VPS54: variants seen among roughly 807,000 people sequenced by gnomAD.
VPS54 encodes the protein VPS54 subunit of GARP complex, also known as vacuolar protein sorting-associated protein 54.
A neutral mutation model predicts 121.5 loss-of-function variants in VPS54; 45 were observed. That is an observed-to-expected ratio of 0.37 (90% CI 0.29 to 0.47). VPS54 has a LOEUF of 0.47. Ranked by LOEUF, VPS54 falls within the 20% of genes least tolerant of loss-of-function variation. The pLI is 0.99. For synonymous variants in VPS54, 371 were observed against 385.8 expected (o/e 0.96, Z 0.45); for missense variants, 1,090 against 1,131.4 (o/e 0.96, Z 0.52).
In VPS54 at chr2:63,947,331, A is replaced by T. The variant is rs1675026488; in HGVS notation, c.1245+52T>A. On this transcript the variant is annotated intron_variant, in intron 9 of 22. Transcript: ENST00000272322. ...TTATTACTAGGATAACATAAAAATA[A>T]ACTTCACAAAGGTTCCAGACCAAAA... 1.7e-5 allele frequency: 24 copies of T among 1,420,726 alleles called. No individual in the cohort carries two copies. The South Asian group carries it at 3.1e-4, about 19-fold the overall frequency. The allele number at this position is 1,420,726 out of a possible 1,614,324, so 88.0% of individuals were successfully genotyped here.
intron 9 of VPS54, among the ~76,000 whole-genome samples, chr2:63,945,494 CAT>C (rs965749915): frequency 5.9e-5 from 9 of 152,080 alleles, no homozygotes; most frequent in Non-Finnish European, 1.3e-4. Flanking sequence ...ACTCATGTCA[CAT>C]GTTTACTTAC....
chr2:63,969,404 T>G (rs912392008), intron 4 of VPS54, among the ~76,000 whole-genome samples: 5 of 152,102 alleles, frequency 3.3e-5, no homozygotes, highest in African/African-American at 1.2e-4. Context: ...CCGTCTGAGC[T>G]CCACCTTCTG....
At chr2:63,909,497 C>T (rs1673044359) in intron 20 of VPS54, among the ~76,000 whole-genome samples, 1 of 137,054 alleles carries the variant, frequency 7.3e-6, no homozygotes, top group Non-Finnish European at 1.5e-5. Flanking sequence ...TCTTGGCTCA[C>T]TGCAACCTCC....
intron 3 of VPS54, among the ~76,000 whole-genome samples, chr2:63,977,301 T>C (rs1676588022): frequency 6.6e-6 from 1 of 152,258 alleles, no homozygotes; most frequent in Non-Finnish European, 1.5e-5. Context: ...TTTGCTCTTC[T>C]TTTGATAACT....
Position 63,901,840 on chromosome 2 carries a change from AC to A in VPS54, c.2626-2260del, listed in dbSNP as rs1238749223. Among the ~76,000 whole-genome samples, 3 of 151,850 alleles carry A rather than the reference AC, an allele frequency of 2.0e-5. No individual in the cohort carries two copies. In the East Asian group the frequency reaches 5.8e-4, roughly 29 times the overall value. On this transcript the variant is annotated intron_variant, in intron 20 of 22. Coordinates refer to ENST00000272322, the MANE Select transcript of VPS54 (RefSeq NM_016516.3). ...AGACCAGCCTGGCCAACATGGTAAA[AC>A]CCTGTCTCTACTAAAAATACAAAAT...
chr2:63,916,982 A>G lies in VPS54; in HGVS notation c.2165-19T>C, dbSNP rs1558989556. On this transcript the variant is annotated intron_variant, in intron 15 of 22. Transcript: ENST00000272322. The stretch of plus-strand genomic sequence containing the variant: ...TCTGTGGCTACAGAGTTAAGCAAAT[A>G]AACGAGAGACAAGAGTACCAGACGA... 1.2e-6 allele frequency: 2 copies of G among 1,612,988 alleles called. No homozygotes were observed. The highest frequency in any genetic ancestry group is 2.2e-5 in the East Asian group (1 of 44,812).
intron 1 of VPS54, among the ~76,000 whole-genome samples, chr2:63,987,792 GCTGTT>G (rs1166603966): frequency 1.3e-5 from 2 of 152,102 alleles, no homozygotes; most frequent in Non-Finnish European, 2.9e-5. Flanking sequence ...TGTAAATCTA[GCTGTT>G]GTTACTTTCT....
At chr2:63,919,764 C>G (rs1673553748) in intron 15 of VPS54, 119 bp downstream of exon 15, 1 of 613,666 alleles carries the variant, frequency 1.6e-6, no homozygotes, top group African/African-American at 1.9e-5. Context: ...ATTTACTAAG[C>G]TGGAAATATT....
At chr2:63,987,946 T>C (rs561803842) in intron 1 of VPS54, among the ~76,000 whole-genome samples, 6 of 152,348 alleles carry the variant, frequency 3.9e-5, no homozygotes, top group Admixed American at 3.3e-4. Context: ...TATCCAAACA[T>C]AAGATCATAT....
intron 8 of VPS54, 78 bp downstream of exon 8, chr2:63,948,959 A>G: frequency 6.5e-7 from 1 of 1,545,528 alleles, no homozygotes; most frequent in Non-Finnish European, 8.7e-7. Context: ...TTTGATTCCT[A>G]TAATCTGAGA....
chr2:63,974,151 A>G (rs1676412523), intron 3 of VPS54, among the ~76,000 whole-genome samples: 1 of 152,148 alleles, frequency 6.6e-6, no homozygotes, highest in African/African-American at 2.4e-5. Flanking sequence ...GTATGTCTAT[A>G]TTCTTTCTCT....
intron 18 of VPS54, 36 bp from the exon 19 acceptor site, chr2:63,912,697 TAA>T (rs761865686): frequency 1.9e-4 from 226 of 1,193,586 alleles, no homozygotes; most frequent in South Asian, 3.7e-4. Flanking sequence ...AATGGAGAAA[TAA>T]AAAAAAAAAA....
chr2:63,977,555 T>C (rs1020296194), intron 3 of VPS54, among the ~76,000 whole-genome samples: 19 of 152,236 alleles, frequency 1.2e-4, no homozygotes, highest in Admixed American at 1.3e-4. Context: ...ATTTGTAGCA[T>C]TTCCTTTTGA....
intron 3 of VPS54, among the ~76,000 whole-genome samples, chr2:63,974,222 C>G (rs1676415148): frequency 1.3e-5 from 2 of 152,134 alleles, no homozygotes; most frequent in South Asian, 4.1e-4. Context: ...CCTTTCTCTA[C>G]TGAATTACCT....
At chr2:63,914,845 G>T (rs993088852) in intron 16 of VPS54, among the ~76,000 whole-genome samples, 2 of 151,850 alleles carry the variant, frequency 1.3e-5, no homozygotes, top group Admixed American at 6.6e-5. Context: ...GTCACAAAAG[G>T]TTCTCTGGCT....
At chr2:63,998,433 A>T (rs994608121) in intron 1 of VPS54, among the ~76,000 whole-genome samples, 11 of 151,370 alleles carry the variant, frequency 7.3e-5, no homozygotes, top group Non-Finnish European at 1.2e-4. Flanking sequence ...GTAACGACTT[A>T]CTCCTGCCAT....
intron 12 of VPS54, among the ~76,000 whole-genome samples, chr2:63,929,247 T>C (rs923903424): frequency 8.5e-5 from 13 of 152,158 alleles, no homozygotes; most frequent in African/African-American, 2.7e-4. Context: ...TATTCTAAAA[T>C]TGACCACATA....
intron 3 of VPS54, among the ~76,000 whole-genome samples, chr2:63,981,214 G>A (rs556461882): frequency 1.2e-4 from 19 of 152,078 alleles, no homozygotes; most frequent in East Asian, 5.8e-4. Flanking sequence ...AGGGTTTAAA[G>A]TAATATATTA....
chr2:63,899,553 G>C lies in VPS54; in HGVS notation c.2654C>G (p.Ala885Gly). Residue 885 changes from alanine to glycine, a missense_variant, in exon 21 of 23, where the codon GCC (alanine) becomes GGC (glycine). Transcript: ENST00000272322. ...TTGCTTACAAATATTCCTGAAACAGGCAGAAGGAACAGGAGCCTTCACTTC... is the reference window on the plus strand; with the variant it reads ...TTGCTTACAAATATTCCTGAAACAGCCAGAAGGAACAGGAGCCTTCACTTC... ...KYEVKAPVPS[A>G]CFRNICKQMT... 1 of 1,613,618 alleles carries C rather than the reference G, an allele frequency of 6.2e-7. No individual in the cohort carries two copies. Among genetic ancestry groups the C allele is most frequent in the Non-Finnish European group, 8.5e-7 (1 of 1,179,898 alleles).
Sources: allele counts gnomAD v4.1 joint callset (sites outside exome capture counted in the v4.1 genomes callset), GRCh38; gene constraint gnomAD v4.1.1; transcripts MANE v1.5; gene names NCBI Gene and HGNC (gene_info 2026-07-23, HGNC 2026-07-21).